Variants in RPGRIP1L observed in about 807,000 individuals in gnomAD.
The protein encoded by RPGRIP1L is RPGRIP1 like.
A neutral mutation model predicts 160.4 loss-of-function variants in RPGRIP1L; 131 were observed. The ratio of observed to expected loss-of-function variants is 0.82; its 90% CI spans 0.71 to 0.94. The LOEUF is 0.94. Among genes scored for constraint, RPGRIP1L ranks in the 40% least tolerant of loss-of-function variants. RPGRIP1L has a pLI of 0.00. For synonymous variants in RPGRIP1L, 510 were observed against 515.8 expected, an observed-to-expected ratio of 0.99 and a Z score of 0.15; for missense variants, 1,522 against 1,535.8, an observed-to-expected ratio of 0.99 and a Z score of 0.15.
chr16:53,695,457 AC>A (rs1407736147), intron 3 of RPGRIP1L: 1 of 702,914 alleles, frequency 1.4e-6, no homozygotes, highest in East Asian at 2.7e-5. Flanking sequence ...TTTTCTTTGA[AC>A]CTAGAACATA....
chr16:53,657,374 G>T, intron 13 of RPGRIP1L, 79 bp downstream of exon 13: 1 of 953,908 alleles, frequency 1.0e-6, no homozygotes, highest in Non-Finnish European at 1.6e-6. Flanking sequence ...GATAACAGGT[G>T]ATAACATACA....
chr16:53,695,433 A>G lies in RPGRIP1L; in HGVS notation c.230+718T>C, dbSNP rs1171481771. On this transcript the variant is annotated intron_variant, in intron 3 of 26. Transcript: ENST00000647211. ...AGAAAAACCCTATTTTCATTCTTCA[A>G]TGGTTGTCTCACCTTTTCTTTGAAC... 7.1e-6 allele frequency: 5 copies of G among 702,976 alleles called. 1 individual carries two copies. The highest frequency in any genetic ancestry group is 5.9e-5 in the South Asian group (4 of 67,596). The allele number at this position is 702,976 out of a possible 1,614,324, so 43.5% of individuals were successfully genotyped here. A position where few individuals can be genotyped will look rare whatever the true frequency, so the allele number is the denominator to read the frequency against.
intron 16 of RPGRIP1L, among the ~76,000 whole-genome samples, chr16:53,648,103 C>CAA (rs781122239): frequency 4.3e-3 from 166 of 38,562 alleles, no homozygotes; most frequent in Middle Eastern, 9.4e-3. Flanking sequence ...GACTCCGTCT[C>CAA]AAAAAAAAAA....
intron 12 of RPGRIP1L, 51 bp downstream of exon 12, chr16:53,658,363 T>C: frequency 7.5e-7 from 1 of 1,339,060 alleles, no homozygotes; most frequent in East Asian, 2.3e-5. Flanking sequence ...ATCATTATGC[T>C]GAAACAGTTG....
intron 3 of RPGRIP1L, among the ~76,000 whole-genome samples, chr16:53,693,019 A>C (rs1373932969): frequency 6.6e-6 from 1 of 152,244 alleles, no homozygotes; most frequent in Admixed American, 6.5e-5. Flanking sequence ...TGTGCTTTTG[A>C]CATCTCAGGA....
intron 10 of RPGRIP1L, among the ~76,000 whole-genome samples, chr16:53,660,106 T>TA (rs965691730): frequency 7.9e-5 from 12 of 152,132 alleles, no homozygotes; most frequent in African/African-American, 2.9e-4. Context: ...TAGCTTTTTT[T>TA]AAAAAAAGCA....
Position 53,599,277 on chromosome 16 carries a change from T to A in RPGRIP1L, c.*2799A>T, listed in dbSNP as rs1357349764. Reference sequence around the variant, plus strand: ...TTTATTTGATTAAACATATTCTTTATGTATTTTTAAAAAAACTAATTTAAG... The same window carrying A: ...TTTATTTGATTAAACATATTCTTTAAGTATTTTTAAAAAAACTAATTTAAG... On this transcript the variant is annotated 3_prime_UTR_variant, in exon 27 of 27. Coordinates refer to ENST00000647211, the MANE Select transcript of RPGRIP1L (RefSeq NM_015272.5). 1 of 152,212 alleles carries A rather than the reference T, an allele frequency of 6.6e-6. No individual in the cohort carries two copies. The highest frequency in any genetic ancestry group is 6.5e-5 in the Admixed American group (1 of 15,276). 9.4% of individuals were successfully genotyped at this position (152,212 alleles called of 1,614,324 possible).
intron 6 of RPGRIP1L, among the ~76,000 whole-genome samples, chr16:53,683,782 T>C (rs1969781902): frequency 6.6e-6 from 1 of 151,296 alleles, no homozygotes; most frequent in Non-Finnish European, 1.5e-5. Context: ...AAGCACAATG[T>C]CAAAGCAGAA....
Position 53,601,869 on chromosome 16 carries a change from G to A in RPGRIP1L, c.*207C>T, listed in dbSNP as rs1963392408. 2 of 556,398 alleles carry A rather than the reference G, an allele frequency of 3.6e-6. No individual in the cohort carries two copies. Among genetic ancestry groups the A allele is most frequent in the African/African-American group, 1.9e-5 (1 of 53,026 alleles). 34.5% of individuals were successfully genotyped at this position (556,398 alleles called of 1,614,324 possible). A position where few individuals can be genotyped will look rare whatever the true frequency, so the allele number is the denominator to read the frequency against. ...CCATTATGGAGAACTTAAGTCCTGA[G>A]GGGTGGCAGTTATGAGAAGGAGGGA... On this transcript the variant is annotated 3_prime_UTR_variant, in exon 27 of 27. Coordinates refer to ENST00000647211, the MANE Select transcript of RPGRIP1L (RefSeq NM_015272.5).
At chr16:53,637,990 C>G in intron 20 of RPGRIP1L, 136 bp from the exon 21 acceptor site, 1 of 807,980 alleles carries the variant, frequency 1.2e-6, no homozygotes, top group Non-Finnish European at 2.0e-6. Flanking sequence ...GTATGAGACT[C>G]AGAAAACAAC....
intron 10 of RPGRIP1L, among the ~76,000 whole-genome samples, chr16:53,664,246 A>C (rs1448388237): frequency 2.6e-5 from 4 of 152,208 alleles, no homozygotes; most frequent in African/African-American, 9.7e-5. Context: ...ACTTATACTG[A>C]AACTTATTAG....
Position 53,654,004 on chromosome 16 carries a change from C to G in RPGRIP1L, c.1700-1017G>C, listed in dbSNP as rs542011521. On this transcript the variant is annotated intron_variant, in intron 14 of 26. Transcript: ENST00000647211. The stretch of plus-strand genomic sequence containing the variant: ...TTTGAGACAGATTCTCACTCTGTCA[C>G]CCAGGCTGGAGTGCAGTGGCGGAAT... Among the ~76,000 whole-genome samples, 9 of 152,260 alleles carry G rather than the reference C, an allele frequency of 5.9e-5. No homozygotes were observed. The South Asian group carries it at 1.7e-3, about 28-fold the overall frequency.
chr16:53,603,841 C>T (rs1235677822), intron 26 of RPGRIP1L, among the ~76,000 whole-genome samples: 1 of 152,072 alleles, frequency 6.6e-6, no homozygotes, highest in African/African-American at 2.4e-5. Context: ...GTCATCTCTG[C>T]TTTGGGACTT....
At chr16:53,603,403 G>A (rs1420943069) in intron 26 of RPGRIP1L, among the ~76,000 whole-genome samples, 1 of 152,098 alleles carries the variant, frequency 6.6e-6, no homozygotes, top group African/African-American at 2.4e-5. Context: ...ATCTGGGCTC[G>A]CTGAAACCTC....
intron 10 of RPGRIP1L, among the ~76,000 whole-genome samples, chr16:53,663,066 CTGAA>C (rs960107445): frequency 9.9e-5 from 15 of 151,914 alleles, no homozygotes; most frequent in African/African-American, 3.6e-4. Context: ...AGAAATAACT[CTGAA>C]AGGACATAAA....
intron 16 of RPGRIP1L, among the ~76,000 whole-genome samples, chr16:53,647,268 A>G (rs1966617985): frequency 6.6e-6 from 1 of 152,198 alleles, no homozygotes; most frequent in South Asian, 2.1e-4. Context: ...CATAGAAACT[A>G]ATTCTATTTA....
intron 6 of RPGRIP1L, among the ~76,000 whole-genome samples, chr16:53,677,138 AT>A (rs1462130722): frequency 6.6e-6 from 1 of 152,068 alleles, no homozygotes; most frequent in Non-Finnish European, 1.5e-5. Context: ...GCTTTCCTGA[AT>A]ATTTTCCTAA....
In RPGRIP1L at chr16:53,599,825, A is replaced by G. The variant is rs1174522308; in HGVS notation, c.*2251T>C. 1 of 152,212 alleles carries G rather than the reference A, an allele frequency of 6.6e-6. No individual in the cohort carries two copies. Among genetic ancestry groups the G allele is most frequent in the Non-Finnish European group, 1.5e-5 (1 of 68,034 alleles). 9.4% of individuals were successfully genotyped at this position (152,212 alleles called of 1,614,324 possible). On this transcript the variant is annotated 3_prime_UTR_variant, in exon 27 of 27. Coordinates refer to ENST00000647211, the MANE Select transcript of RPGRIP1L (RefSeq NM_015272.5). ...TATCCACATGACAGCGTTCAATACT[A>G]CCTCGCCACTTCAAAATGTGTCAGC...
intron 4 of RPGRIP1L, among the ~76,000 whole-genome samples, chr16:53,689,200 G>T (rs1416145817): frequency 6.6e-6 from 1 of 151,720 alleles, no homozygotes; most frequent in Admixed American, 6.6e-5. Context: ...ATCCAATCAG[G>T]GTATTTAGGA....
Sources: gnomAD v4.1 joint callset for allele counts (sites outside exome capture counted in the v4.1 genomes callset) on GRCh38, gnomAD v4.1.1 for gene constraint, MANE v1.5 for transcripts, NCBI Gene and HGNC (gene_info 2026-07-23, HGNC 2026-07-21) for gene names.